The following CILK1 variants were observed in gnomAD, a reference collection of about 807,000 sequenced individuals.
CILK1 encodes ciliogenesis associated kinase 1, also known as serine/threonine-protein kinase ICK.
A neutral mutation model predicts 79.2 loss-of-function variants in CILK1; 47 were observed. That is an observed-to-expected ratio of 0.59 (90% CI 0.47 to 0.76). The LOEUF (loss-of-function observed/expected upper bound fraction) is 0.76, where lower values mean the gene tolerates loss of function less well. Among genes scored for constraint, CILK1 ranks in the 30% least tolerant of loss-of-function variants. The pLI is 0.00. For synonymous variants in CILK1, 266 were observed against 275.9 expected, an observed-to-expected ratio of 0.96 and a Z score of 0.36; for missense variants, 660 against 769.5, an observed-to-expected ratio of 0.86 and a Z score of 1.68.
At chr6:53,009,228 AC>A (rs1764415168) in intron 12 of CILK1, among the ~76,000 whole-genome samples, 1 of 152,160 alleles carries the variant, frequency 6.6e-6, no homozygotes. Context: ...CTCCCCAGCT[AC>A]CCTGGAAGGC....
Position 53,049,403 on chromosome 6 carries a change from C to T in CILK1, c.-172-7995G>A, listed in dbSNP as rs564847951. Among the ~76,000 whole-genome samples, 31 of 152,330 alleles carry T rather than the reference C, an allele frequency of 2.0e-4. No homozygotes were observed. The South Asian group carries it at 6.4e-3, about 32-fold the overall frequency. On this transcript the variant is annotated intron_variant, in intron 1 of 13. Coordinates refer to ENST00000676107, the MANE Select transcript of CILK1 (RefSeq NM_014920.5). Reference sequence around the variant, plus strand: ...TAACTATTAGCCTAATGTTCATTTGCTTTCCATTATCTGCTTCCATTTTGA... The same window carrying T: ...TAACTATTAGCCTAATGTTCATTTGTTTTCCATTATCTGCTTCCATTTTGA...
chr6:53,023,320 C>G (rs1290901307), intron 5 of CILK1, among the ~76,000 whole-genome samples: 2 of 152,158 alleles, frequency 1.3e-5, no homozygotes, highest in Non-Finnish European at 1.5e-5. Context: ...GTGGCAGGAG[C>G]ACTGTGGTCT....
At chr6:53,040,822 C>T (rs1766654322) in intron 2 of CILK1, among the ~76,000 whole-genome samples, 1 of 152,184 alleles carries the variant, frequency 6.6e-6, no homozygotes, top group East Asian at 1.9e-4. Context: ...ATGAAGTCAT[C>T]TTATTTCTTA....
chr6:53,017,471 G>C (rs76966728), intron 7 of CILK1, among the ~76,000 whole-genome samples: 1 of 152,310 alleles, frequency 6.6e-6, no homozygotes, highest in East Asian at 1.9e-4. Flanking sequence ...GGAAATTTCA[G>C]GGCATGCAGC....
intron 1 of CILK1, among the ~76,000 whole-genome samples, chr6:53,050,999 G>T (rs1204394809): frequency 2.0e-5 from 3 of 152,102 alleles, no homozygotes; most frequent in Non-Finnish European, 4.4e-5. Context: ...AGAGCTGTGG[G>T]TGGCAGATCT....
intron 5 of CILK1, among the ~76,000 whole-genome samples, chr6:53,019,637 CTGAGA>C (rs963071719): frequency 3.9e-5 from 6 of 151,924 alleles, no homozygotes; most frequent in African/African-American, 1.5e-4. Flanking sequence ...GGATTATAGG[CTGAGA>C]TAACTTTGCA....
At chr6:53,021,849 G>A (rs1765264844) in intron 5 of CILK1, among the ~76,000 whole-genome samples, 1 of 151,756 alleles carries the variant, frequency 6.6e-6, no homozygotes, top group Non-Finnish European at 1.5e-5. Flanking sequence ...TCCTTCAGGA[G>A]GTACCTAGAA....
chr6:53,006,325 G>T lies in CILK1; in HGVS notation c.1734C>A (p.Asp578Glu). The T allele has an allele frequency of 6.2e-7, 1 of 1,613,726 alleles. No individual in the cohort carries two copies. Among genetic ancestry groups the T allele is most frequent in the South Asian group, 1.1e-5 (1 of 91,076 alleles). Residue 578 changes from aspartate (D) to glutamate (E), a missense_variant, in exon 13 of 14, where the codon GAC becomes GAA. By Grantham distance (45) the Asp-to-Glu change is conservative (BLOSUM62 2). Coordinates refer to ENST00000676107, the MANE Select transcript of CILK1 (RefSeq NM_014920.5). ...MQRVHLAPIPDPSPGYSSLKA... is the reference protein window; with the variant it reads ...MQRVHLAPIPEPSPGYSSLKA... ...TAAAATACAACTCACCAGGGGAAGG[G>T]TCTGGAATAGGTGCTAGGTGTACCC...
In CILK1 at chr6:53,005,304, C is replaced by T; in HGVS notation, c.1745-1G>A. ...CTCATGGCCTTCAGGGAGGAATAAC[C>T]TGCAATGAAAGAAAAAGGCCGGCAT... is the stretch of plus-strand genomic sequence containing the variant. On this transcript the variant is annotated splice_acceptor_variant, in intron 13 of 13. Coordinates refer to ENST00000676107, the MANE Select transcript of CILK1 (RefSeq NM_014920.5). LOFTEE classifies it high-confidence loss of function. 4 of 1,614,134 alleles carry T rather than the reference C, an allele frequency of 2.5e-6. No individual in the cohort carries two copies. Among genetic ancestry groups the T allele is most frequent in the Non-Finnish European group, 3.4e-6 (4 of 1,180,014 alleles).
At chr6:53,025,576 C>T (rs16883371) in intron 5 of CILK1, among the ~76,000 whole-genome samples, 3,791 of 152,238 alleles carry the variant, frequency 0.025, 153 homozygotes, top group African/African-American at 0.085. Context: ...AGGAAGATTC[C>T]GATTCCCCAC....
intron 6 of CILK1, among the ~76,000 whole-genome samples, chr6:53,018,874 T>G (rs1166631752): frequency 6.6e-6 from 1 of 152,166 alleles, no homozygotes; most frequent in Non-Finnish European, 1.5e-5. Flanking sequence ...CATGGCAAAC[T>G]GCTTAAATCA....
At chr6:53,036,670 C>A (rs984636834) in intron 3 of CILK1, among the ~76,000 whole-genome samples, 1 of 152,154 alleles carries the variant, frequency 6.6e-6, no homozygotes, top group Non-Finnish European at 1.5e-5. Context: ...CCAGCCTCAG[C>A]CTCCCAAAGT....
chr6:53,021,854 C>T (rs1231707183), intron 5 of CILK1, among the ~76,000 whole-genome samples: 1 of 151,416 alleles, frequency 6.6e-6, no homozygotes, highest in Non-Finnish European at 1.5e-5. Flanking sequence ...CAGGAGGTAC[C>T]TAGAAGGCTT....
chr6:53,050,717 A>G (rs1194718547), intron 1 of CILK1, among the ~76,000 whole-genome samples: 1 of 151,774 alleles, frequency 6.6e-6, no homozygotes, highest in Non-Finnish European at 1.5e-5. Context: ...AGTCCTAGCT[A>G]CTTATGGGGC....
rs1052440087 is a variant in CILK1 at position 53,005,191 on chromosome 6, A to G, written c.1857T>C (p.His619=). The G allele has an allele frequency of 2.5e-6, 4 of 1,614,088 alleles. No individual in the cohort carries two copies. In the African/African-American group the frequency reaches 4.0e-5, roughly 16 times the overall value. Residue 619 remains histidine, a synonymous_variant, in exon 14 of 14, where the codon CAT becomes CAC. Coordinates refer to ENST00000676107, the MANE Select transcript of CILK1 (RefSeq NM_014920.5). ...IPRPPAAQPV[H]GRTDWASKYA... is the part of the protein sequence containing the mutation. Reference sequence around the variant, plus strand: ...ACTTGGAAGCCCAGTCTGTCCGGCCATGCACTGGCTGGGCGGCTGGAGGCC... The same window carrying G: ...ACTTGGAAGCCCAGTCTGTCCGGCCGTGCACTGGCTGGGCGGCTGGAGGCC...
chr6:53,041,579 C>T (rs762413927), intron 1 of CILK1, among the ~76,000 whole-genome samples, 171 bp from the exon 2 acceptor site: 1 of 152,226 alleles, frequency 6.6e-6, no homozygotes, highest in African/African-American at 2.4e-5. Context: ...GTAGAGCCTG[C>T]AAAGCCCAAA....
At chr6:53,020,781 T>C (rs894857736) in intron 5 of CILK1, among the ~76,000 whole-genome samples, 1 of 152,220 alleles carries the variant, frequency 6.6e-6, no homozygotes, top group African/African-American at 2.4e-5. Flanking sequence ...CTTGACAACC[T>C]GTATGTTGAC....
chr6:53,036,356 G>A (rs1251946956), intron 3 of CILK1, among the ~76,000 whole-genome samples: 2 of 152,066 alleles, frequency 1.3e-5, no homozygotes, highest in African/African-American at 4.8e-5. Flanking sequence ...GGCAAACTAT[G>A]TCCCATGGGT....
At position 53,003,416 on chromosome 6, in the gene CILK1, A is replaced by G. The variant is rs992223652; in HGVS notation, c.*1733T>C. ...GGTTGAACCATATGAAAGTGTCTAT[A>G]TTCATTTCACCTATCATTTTAACCT... On this transcript the variant is annotated 3_prime_UTR_variant, in exon 14 of 14. Transcript: ENST00000676107. 5 of 152,214 alleles carry G rather than the reference A, an allele frequency of 3.3e-5. No individual in the cohort carries two copies. The highest frequency in any genetic ancestry group is 3.3e-4 in the Admixed American group (5 of 15,286). 9.4% of individuals were successfully genotyped at this position (152,214 alleles called of 1,614,324 possible). A position where few individuals can be genotyped will look rare whatever the true frequency, so the allele number is the denominator to read the frequency against.
Sources: allele counts gnomAD v4.1 joint callset (sites outside exome capture counted in the v4.1 genomes callset), GRCh38; gene constraint gnomAD v4.1.1; transcripts MANE v1.5; gene names NCBI Gene and HGNC (gene_info 2026-07-23, HGNC 2026-07-21).